The following NRP2 variants were observed in gnomAD, a reference collection of about 807,000 sequenced individuals.
NRP2 encodes the protein neuropilin 2.
In NRP2, 52 loss-of-function variants were observed where a neutral mutation model predicts 110.4. The ratio of observed to expected loss-of-function variants is 0.47; its 90% confidence interval spans 0.38 to 0.59. NRP2 has a LOEUF of 0.59. Ranked by LOEUF, NRP2 falls within the 20% of genes least tolerant of loss-of-function variation. The pLI is 0.00. For synonymous variants in NRP2, 508 were observed against 468.9 expected (o/e 1.08, Z -1.08); for missense variants, 1,049 against 1,203.0 (o/e 0.87, Z 1.89).
At chr2:205,764,776 G>GGTTGCAAGGCA (rs2057886293) in intron 13 of NRP2, among the ~76,000 whole-genome samples, 2 of 152,260 alleles carry the variant, frequency 1.3e-5, no homozygotes, top group African/African-American at 4.8e-5. Flanking sequence ...GGCATCCTGA[G>GGTTGCAAGGCA]ACCTTCCCCA....
chr2:205,766,225 GGTC>G (rs2057914964), intron 14 of NRP2, among the ~76,000 whole-genome samples: 2 of 152,112 alleles, frequency 1.3e-5, no homozygotes, highest in Non-Finnish European at 2.9e-5. Flanking sequence ...TTTTCTTCAG[GGTC>G]TCCTGCTGCA....
chr2:205,721,897 A>G (rs948853538), intron 3 of NRP2, among the ~76,000 whole-genome samples: 22 of 152,182 alleles, frequency 1.4e-4, no homozygotes, highest in Non-Finnish European at 3.1e-4. Context: ...TAGTCATGAC[A>G]TGAATGAGAC....
chr2:205,726,139 G>C, intron 6 of NRP2, 57 bp downstream of exon 6: 2 of 1,563,180 alleles, frequency 1.3e-6, no homozygotes, highest in South Asian at 1.1e-5. Context: ...GGGGTAGGAG[G>C]GTAGCTCCTC....
chr2:205,791,593 C>G (rs974088192), intron 15 of NRP2, among the ~76,000 whole-genome samples: 2 of 152,184 alleles, frequency 1.3e-5, no homozygotes, highest in African/African-American at 4.8e-5. Context: ...CTTAGCCTGG[C>G]TAGTCAGATT....
At chr2:205,772,257 G>A (rs1191406821) in intron 15 of NRP2, among the ~76,000 whole-genome samples, 1 of 152,250 alleles carries the variant, frequency 6.6e-6, no homozygotes, top group Non-Finnish European at 1.5e-5. Flanking sequence ...ACTCAGGGTG[G>A]CCGTTGTTAC....
chr2:205,718,784 A>T (rs1244620272), intron 3 of NRP2, among the ~76,000 whole-genome samples: 1 of 152,156 alleles, frequency 6.6e-6, no homozygotes, highest in Non-Finnish European at 1.5e-5. Flanking sequence ...TCTACTGAAA[A>T]TACAAAACTT....
intron 3 of NRP2, among the ~76,000 whole-genome samples, chr2:205,718,097 G>GT (rs928010465): frequency 2.0e-4 from 30 of 152,156 alleles, no homozygotes; most frequent in Admixed American, 1.0e-3. Context: ...CGGCTGCACT[G>GT]TGCTGGCCAT....
In NRP2 at chr2:205,765,552, C is replaced by T; in HGVS notation, c.2386C>T (p.Pro796Ser). 1 of 1,613,574 alleles carries T rather than the reference C, an allele frequency of 6.2e-7. No homozygotes were observed. Among genetic ancestry groups the T allele is most frequent in the Non-Finnish European group, 8.5e-7 (1 of 1,179,540 alleles). Residue 796 changes from proline (P) to serine (S), a missense_variant, in exon 14 of 17, where the codon CCA (proline) becomes TCA (serine). Coordinates refer to ENST00000357785, the MANE Select transcript of NRP2 (RefSeq NM_003872.3). ...TGACATTCGGATAAGCACTGATGTCCCACTGGAGAACTGCATGGGTATGTG... is the reference window on the plus strand; with the variant it reads ...TGACATTCGGATAAGCACTGATGTCTCACTGGAGAACTGCATGGGTATGTG... ...IDDIRISTDV[P>S]LENCMEPISA...
At chr2:205,706,065 A>T (rs935996941) in intron 2 of NRP2, among the ~76,000 whole-genome samples, 5 of 151,116 alleles carry the variant, frequency 3.3e-5, no homozygotes, top group African/African-American at 9.8e-5. Context: ...CTACTCCCCC[A>T]ATCCCCCCAC....
In NRP2 at chr2:205,726,058, G is replaced by A; in HGVS notation, c.966G>A (p.Leu322=). ...ATGACAATGGCTGGACCCCCAACTTGGATTCCAACAAGGAGTATCTCCAGG... is the reference window on the plus strand; with the variant it reads ...ATGACAATGGCTGGACCCCCAACTTAGATTCCAACAAGGAGTATCTCCAGG... The part of the protein sequence containing the change: ...HGDDNGWTPN[L]DSNKEYLQVD... Residue 322 remains leucine (L), a synonymous_variant, in exon 6 of 17, where the codon TTG becomes TTA. Transcript: ENST00000357785. The A allele has an allele frequency of 6.2e-7, 1 of 1,614,162 alleles. No homozygotes were observed. Among genetic ancestry groups the A allele is most frequent in the Non-Finnish European group, 8.5e-7 (1 of 1,180,040 alleles).
At chr2:205,705,670 A>G (rs533560305) in intron 2 of NRP2, among the ~76,000 whole-genome samples, 2 of 152,280 alleles carry the variant, frequency 1.3e-5, no homozygotes, top group South Asian at 2.1e-4. Flanking sequence ...TAACCGCCAC[A>G]GCTGGTACTG....
At chr2:205,753,021 G>T in intron 12 of NRP2, 46 bp downstream of exon 12, 2 of 1,610,660 alleles carry the variant, frequency 1.2e-6, no homozygotes, top group South Asian at 1.1e-5. Flanking sequence ...AGGCCAGCTT[G>T]TTCCACATAC....
At chr2:205,724,482 T>C (rs1476361689) in intron 5 of NRP2, among the ~76,000 whole-genome samples, 5 of 152,250 alleles carry the variant, frequency 3.3e-5, no homozygotes, top group South Asian at 2.1e-4. Flanking sequence ...AGATAGTTTG[T>C]GGAGCTTCTA....
chr2:205,792,176 C>A, intron 15 of NRP2, 59 bp from the exon 16 acceptor site: 2 of 1,207,754 alleles, frequency 1.7e-6, no homozygotes, highest in Non-Finnish European at 2.5e-6. Context: ...GCCTCCCTGC[C>A]TTTTAGCCAT....
At chr2:205,740,443 C>A in intron 7 of NRP2, 76 bp from the exon 8 acceptor site, 2 of 1,503,760 alleles carry the variant, frequency 1.3e-6, no homozygotes, top group South Asian at 1.1e-5. Context: ...ACTTTCCCAT[C>A]CCCTTCAAAG....
intron 1 of NRP2, among the ~76,000 whole-genome samples, chr2:205,692,201 G>A (rs1045969322): frequency 6.6e-6 from 1 of 152,168 alleles, no homozygotes; most frequent in Non-Finnish European, 1.5e-5. Context: ...TGTGCCTTCA[G>A]GAGTGCATCA....
In NRP2 at chr2:205,686,680, A is replaced by G. The variant is rs2056173479; in HGVS notation, c.73+3317A>G. 1.3e-5 allele frequency among the ~76,000 whole-genome samples: 2 copies of G among 152,190 alleles called. No individual in the cohort carries two copies. The highest frequency in any genetic ancestry group is 4.8e-5 in the African/African-American group (2 of 41,452). Reference sequence around the variant, plus strand: ...CATCTGGGTTGGGGAACCTTCGGGAATCAGCTTTCCAGACCAAGTTTTAGG... The same window carrying G: ...CATCTGGGTTGGGGAACCTTCGGGAGTCAGCTTTCCAGACCAAGTTTTAGG... On this transcript the variant is annotated intron_variant, in intron 1 of 16. Transcript: ENST00000357785. The surrounding 1 kb of genome is among the most constrained non-coding windows in gnomAD (Gnocchi z 4.7).
chr2:205,710,803 C>G (rs2056781998), intron 2 of NRP2, among the ~76,000 whole-genome samples: 1 of 152,152 alleles, frequency 6.6e-6, no homozygotes, highest in Non-Finnish European at 1.5e-5. Context: ...TTGTAGATGT[C>G]TTTGAGCCTC....
chr2:205,727,799 G>T, intron 6 of NRP2, 92 bp from the exon 7 acceptor site: 1 of 1,322,918 alleles, frequency 7.6e-7, no homozygotes, highest in Non-Finnish European at 1.0e-6. Flanking sequence ...CAGGTTGGAA[G>T]CAAAGTCTAA....
Sources: gnomAD v4.1 joint callset for allele counts (sites outside exome capture counted in the v4.1 genomes callset) on GRCh38, gnomAD v4.1.1 for gene constraint, Gnocchi (gnomAD v3.1) non-coding constraint, MANE v1.5 for transcripts, NCBI Gene and HGNC (gene_info 2026-07-23, HGNC 2026-07-21) for gene names.